The following HECW1 variants were observed in gnomAD, a reference collection of about 807,000 sequenced individuals.
HECW1 encodes the protein HECT, C2 and WW domain containing E3 ubiquitin protein ligase 1.
In HECW1, 61 loss-of-function variants were observed where a neutral mutation model predicts 182.3. The observed-to-expected ratio is 0.33, with a 90% CI of 0.27 to 0.41. The LOEUF is 0.41. HECW1 is among the 10% of genes least tolerant of loss of function. The pLI is 1.00. For missense variants in HECW1, 1,739 were observed against 2,108.9 expected (o/e 0.82, Z 3.44); for synonymous variants, 859 against 832.6 (o/e 1.03, Z -0.55).
At chr7:43,488,913 C>T (rs1328768037) in intron 17 of HECW1, among the ~76,000 whole-genome samples, 1 of 152,202 alleles carries the variant, frequency 6.6e-6, no homozygotes, top group Non-Finnish European at 1.5e-5. Context: ...GTCAGTCAGT[C>T]ATCTGCCTTT....
intron 2 of HECW1, among the ~76,000 whole-genome samples, chr7:43,200,818 C>T (rs1794957285): frequency 6.6e-6 from 1 of 152,130 alleles, no homozygotes; most frequent in African/African-American, 2.4e-5. Context: ...CAATGTGGCC[C>T]AACATGCTCA....
intron 24 of HECW1, among the ~76,000 whole-genome samples, chr7:43,530,655 A>C (rs1379768399): frequency 6.6e-6 from 1 of 152,160 alleles, no homozygotes; most frequent in Admixed American, 6.5e-5. Context: ...TGACCTCTCT[A>C]TTGAGCTTCA....
chr7:43,273,062 T>G (rs1802609913), intron 3 of HECW1, among the ~76,000 whole-genome samples: 1 of 152,148 alleles, frequency 6.6e-6, no homozygotes, highest in African/African-American at 2.4e-5. Context: ...AGCAAATTAG[T>G]GCAGGAACAG....
At chr7:43,479,547 A>G in intron 16 of HECW1, 63 bp from the exon 17 acceptor site, 1 of 1,601,890 alleles carries the variant, frequency 6.2e-7, no homozygotes, top group Non-Finnish European at 8.5e-7. Context: ...CCTGTATATT[A>G]CTGACTCCAT....
At chr7:43,240,406 A>G (rs1798776967) in intron 2 of HECW1, among the ~76,000 whole-genome samples, 1 of 152,210 alleles carries the variant, frequency 6.6e-6, no homozygotes, top group Non-Finnish European at 1.5e-5. Context: ...TCCACCCATG[A>G]ATGATCTTGA....
intron 2 of HECW1, among the ~76,000 whole-genome samples, chr7:43,158,992 C>T (rs1225338042): frequency 2.0e-5 from 3 of 152,072 alleles, no homozygotes; most frequent in Non-Finnish European, 4.4e-5. Context: ...TGGGAAAGGG[C>T]CAGATAATTT....
At chr7:43,124,041 A>G (rs1785919724) in intron 2 of HECW1, among the ~76,000 whole-genome samples, 1 of 152,232 alleles carries the variant, frequency 6.6e-6, no homozygotes, top group Non-Finnish European at 1.5e-5. Flanking sequence ...GGTGGGTAGG[A>G]ACTGAAGGGA....
chr7:43,457,735 A>G (rs937839136), intron 13 of HECW1, among the ~76,000 whole-genome samples: 3 of 151,666 alleles, frequency 2.0e-5, no homozygotes, highest in Admixed American at 6.6e-5. Flanking sequence ...ACATCACACC[A>G]CTGCACTCCA....
chr7:43,308,177 T>A (rs1295513951), intron 3 of HECW1, among the ~76,000 whole-genome samples: 4 of 106,464 alleles, frequency 3.8e-5, no homozygotes, highest in African/African-American at 1.6e-4. Context: ...TAATATATTT[T>A]TATATATTAT....
At position 43,375,120 on chromosome 7, in the gene HECW1, T is replaced by A. The variant is rs1043990038; in HGVS notation, c.555+14140T>A. Among the ~76,000 whole-genome samples, 4 of 152,210 alleles carry A rather than the reference T, an allele frequency of 2.6e-5. No individual in the cohort carries two copies. The East Asian group carries it at 7.7e-4, about 29-fold the overall frequency. Reference sequence around the variant, plus strand: ...CTAAAATTTCCTTCAGTTTCTTGCATTGAATTTACTCCAAAAGGAGCCAAG... The same window carrying A: ...CTAAAATTTCCTTCAGTTTCTTGCAATGAATTTACTCCAAAAGGAGCCAAG... On this transcript the variant is annotated intron_variant, in intron 6 of 29. Coordinates refer to ENST00000395891, the MANE Select transcript of HECW1 (RefSeq NM_015052.5).
chr7:43,533,931 C>G (rs2081080803), intron 24 of HECW1, among the ~76,000 whole-genome samples: 1 of 152,096 alleles, frequency 6.6e-6, no homozygotes, highest in Non-Finnish European at 1.5e-5. Flanking sequence ...GATGAGTAGC[C>G]TGATCTGTTG....
At chr7:43,322,794 G>A (rs181200813) in intron 5 of HECW1, among the ~76,000 whole-genome samples, 1 of 152,152 alleles carries the variant, frequency 6.6e-6, no homozygotes, top group East Asian at 1.9e-4. Context: ...ACCTACAATG[G>A]AAGTTTGGTA....
rs34748611 is a variant in HECW1, at chr7:43,293,219, C to CAAAA, written c.28-18530_28-18527dup. Among the ~76,000 whole-genome samples, 54 of 76,486 alleles carry CAAAA rather than the reference C, an allele frequency of 7.1e-4. 1 individual carries two copies. The highest frequency in any genetic ancestry group is 1.1e-3 in the African/African-American group (25 of 23,006). The allele number at this position is 76,486 out of a possible 152,430, so 50.2% of individuals were successfully genotyped here. On this transcript the variant is annotated intron_variant, in intron 3 of 29. Transcript: ENST00000395891. ...TGGGCGACACAGCGAGACTATGTCT[C>CAAAA]AAAAAAAAAAAAAAAAAGAAAAGAA... is the stretch of plus-strand genomic sequence containing the variant.
At chr7:43,481,863 G>A (rs1055713060) in intron 17 of HECW1, among the ~76,000 whole-genome samples, 1 of 150,370 alleles carries the variant, frequency 6.7e-6, no homozygotes, top group East Asian at 2.0e-4. Context: ...GCGGGTGCCT[G>A]TAGTCCCAGC....
At chr7:43,376,924 T>A (rs1247500628) in intron 6 of HECW1, among the ~76,000 whole-genome samples, 1 of 150,896 alleles carries the variant, frequency 6.6e-6, no homozygotes, top group Non-Finnish European at 1.5e-5. Context: ...AACTTTCAAC[T>A]CCAGCATTCA....
At chr7:43,544,272 T>C (rs1208052714) in intron 26 of HECW1, among the ~76,000 whole-genome samples, 1 of 152,166 alleles carries the variant, frequency 6.6e-6, no homozygotes, top group African/African-American at 2.4e-5. Flanking sequence ...TTTCTTTCAA[T>C]ATCAGAAGAG....
rs1211004545 is a variant in HECW1 at position 43,368,932 on chromosome 7, A to G, written c.555+7952A>G. 3.9e-5 allele frequency among the ~76,000 whole-genome samples: 6 copies of G among 152,154 alleles called. No individual in the cohort carries two copies. In the East Asian group the frequency reaches 7.7e-4, roughly 20 times the overall value. ...AAATGACATTAGAAAAAATTTATGG[A>G]AAGTGGAAATGGAAATCCTAATGGA... On this transcript the variant is annotated intron_variant, in intron 6 of 29. Coordinates refer to ENST00000395891, the MANE Select transcript of HECW1 (RefSeq NM_015052.5).
intron 6 of HECW1, 77 bp downstream of exon 6, chr7:43,361,057 CGTGT>C (rs3032904): frequency 0.23 from 146,563 of 625,446 alleles, 5,932 homozygotes; most frequent in South Asian, 0.31. Flanking sequence ...CTTGTGCGTG[CGTGT>C]GTGTGTGTGT....
At chr7:43,241,941 C>T (rs959900677) in intron 2 of HECW1, among the ~76,000 whole-genome samples, 6 of 151,940 alleles carry the variant, frequency 3.9e-5, no homozygotes, top group Non-Finnish European at 7.4e-5. Flanking sequence ...GAAGGGCTGA[C>T]GGCAGCTCAG....
Sources: allele counts gnomAD v4.1 joint callset (sites outside exome capture counted in the v4.1 genomes callset), GRCh38; gene constraint gnomAD v4.1.1; transcripts MANE v1.5; gene names NCBI Gene and HGNC (gene_info 2026-07-23, HGNC 2026-07-21).